CAMKMT: variants seen among roughly 807,000 people sequenced by gnomAD.
The protein encoded by CAMKMT is CaM KMT.
CAMKMT carries 53 observed loss-of-function variants against 48.0 expected under a neutral mutation model. That is an observed-to-expected ratio of 1.10 (90% confidence interval 0.89 to 1.39). The LOEUF is 1.39. Among genes scored for constraint, CAMKMT ranks in the 40% most tolerant of loss-of-function variants. The pLI is 0.00. For missense variants in CAMKMT, 428 were observed against 402.7 expected, an observed-to-expected ratio of 1.06 and a Z score of -0.54; for synonymous variants, 165 against 152.3, an observed-to-expected ratio of 1.08 and a Z score of -0.61.
At position 44,454,342 on chromosome 2, in the gene CAMKMT, C is replaced by T. The variant is rs564877593; in HGVS notation, c.376+64037C>T. Among the ~76,000 whole-genome samples the T allele has an allele frequency of 2.2e-4, 33 of 152,170 alleles. No homozygotes were observed. The East Asian group carries it at 2.7e-3, about 12-fold the overall frequency. ...GTGGCTTGAAAAATACATTACTCAACGAAATCTGGGTGAACAAAGTAAGTA... is the reference window on the plus strand; with the variant it reads ...GTGGCTTGAAAAATACATTACTCAATGAAATCTGGGTGAACAAAGTAAGTA... On this transcript the variant is annotated intron_variant, in intron 3 of 10. Coordinates refer to ENST00000378494, the MANE Select transcript of CAMKMT (RefSeq NM_024766.5).
intron 3 of CAMKMT, among the ~76,000 whole-genome samples, chr2:44,694,270 C>T (rs1676817323): frequency 6.6e-6 from 1 of 152,180 alleles, no homozygotes; most frequent in African/African-American, 2.4e-5. Context: ...AACTATGAAA[C>T]TTGACATTTA....
intron 3 of CAMKMT, among the ~76,000 whole-genome samples, chr2:44,399,737 A>G (rs1399909354): frequency 1.3e-5 from 2 of 152,062 alleles, no homozygotes; most frequent in African/African-American, 4.8e-5. Context: ...ATTGAGGAAG[A>G]CGGCTGTCAA....
intron 3 of CAMKMT, among the ~76,000 whole-genome samples, chr2:44,449,714 C>T (rs1667190875): frequency 6.6e-6 from 1 of 152,076 alleles, no homozygotes; most frequent in Admixed American, 6.6e-5. Flanking sequence ...TTAAAAACAG[C>T]AAGGAAATTT....
chr2:44,405,983 A>G (rs1067320), intron 3 of CAMKMT, among the ~76,000 whole-genome samples: 113,642 of 152,110 alleles, frequency 0.75, 43,469 homozygotes, highest in African/African-American at 0.87. Context: ...GAACCAATCA[A>G]TTTCATAGTT....
At chr2:44,436,117 C>T (rs564394521) in intron 3 of CAMKMT, among the ~76,000 whole-genome samples, 7 of 151,998 alleles carry the variant, frequency 4.6e-5, no homozygotes, top group Non-Finnish European at 8.8e-5. Context: ...CCTCTGTCAC[C>T]CAGGCTGGAG....
At chr2:44,632,749 G>T (rs1427994683) in intron 3 of CAMKMT, among the ~76,000 whole-genome samples, 7 of 152,134 alleles carry the variant, frequency 4.6e-5, no homozygotes, top group African/African-American at 9.7e-5. Context: ...CATCTAATCA[G>T]CTCCCAGTGT....
intron 3 of CAMKMT, among the ~76,000 whole-genome samples, chr2:44,511,084 G>C (rs1558666427): frequency 6.6e-6 from 1 of 152,016 alleles, no homozygotes; most frequent in Non-Finnish European, 1.5e-5. Flanking sequence ...CAAGTGATCT[G>C]CCCGCCTCAG....
chr2:44,427,437 A>G lies in CAMKMT; in HGVS notation c.376+37132A>G, dbSNP rs940060077. Among the ~76,000 whole-genome samples, 4 of 152,244 alleles carry G rather than the reference A, an allele frequency of 2.6e-5. No homozygotes were observed. The South Asian group carries it at 8.3e-4, about 31-fold the overall frequency. On this transcript the variant is annotated intron_variant, in intron 3 of 10. Coordinates refer to ENST00000378494, the MANE Select transcript of CAMKMT (RefSeq NM_024766.5). The stretch of plus-strand genomic sequence containing the variant: ...AAAAGACTAGTATCCAGAATCTATA[A>G]GGAATGTAAACAAATCAACAAGAAA...
intron 3 of CAMKMT, among the ~76,000 whole-genome samples, chr2:44,683,846 A>G (rs1322564776): frequency 6.7e-6 from 1 of 149,994 alleles, no homozygotes; most frequent in Non-Finnish European, 1.5e-5. Flanking sequence ...AAAAAAAAGA[A>G]AAAGAAAAAA....
At chr2:44,708,516 A>C (rs918710923) in intron 6 of CAMKMT, among the ~76,000 whole-genome samples, 2 of 151,870 alleles carry the variant, frequency 1.3e-5, no homozygotes, top group Non-Finnish European at 2.9e-5. Context: ...TGACAGACTT[A>C]AAAAAAATTC....
intron 2 of CAMKMT, among the ~76,000 whole-genome samples, chr2:44,385,748 T>G (rs1003271621): frequency 2.0e-5 from 3 of 152,190 alleles, no homozygotes; most frequent in African/African-American, 7.2e-5. Context: ...ATTTTTGTTT[T>G]TAATTCTGTT....
chr2:44,466,670 A>C (rs1321772850), intron 3 of CAMKMT, among the ~76,000 whole-genome samples: 1 of 152,196 alleles, frequency 6.6e-6, no homozygotes, highest in African/African-American at 2.4e-5. Context: ...AGATTTGAAC[A>C]GAAATAAATA....
At chr2:44,764,840 C>T (rs1053763942) in intron 9 of CAMKMT, among the ~76,000 whole-genome samples, 13 of 152,118 alleles carry the variant, frequency 8.5e-5, no homozygotes, top group African/African-American at 3.1e-4. Flanking sequence ...AATAAGGAGA[C>T]ATGTAGTGTA....
In CAMKMT at chr2:44,535,279, G is replaced by A. The variant is rs190506660; in HGVS notation, c.376+144974G>A. ...AAGTCTCCCAACAAAGAAAAGCCCA[G>A]GATTAATGGCTTCACTGCCTAATTC... is the stretch of plus-strand genomic sequence containing the variant. On this transcript the variant is annotated intron_variant, in intron 3 of 10. Transcript: ENST00000378494. Among the ~76,000 whole-genome samples, 388 of 152,184 alleles carry A rather than the reference G, an allele frequency of 2.5e-3. 4 individuals carry two copies. The highest frequency in any genetic ancestry group is 9.0e-3 in the African/African-American group (372 of 41,526).
chr2:44,592,230 T>C (rs1670335528), intron 3 of CAMKMT, among the ~76,000 whole-genome samples: 1 of 152,028 alleles, frequency 6.6e-6, no homozygotes, highest in Admixed American at 6.6e-5. Flanking sequence ...AATAAATAAA[T>C]AAATAAACTA....
rs1671287299 is a variant in CAMKMT at position 44,606,435 on chromosome 2, G to A, written c.377-97848G>A. The stretch of plus-strand genomic sequence containing the variant: ...ACCTTATGATTCCCACTCAATGTTG[G>A]AAGAGGCTGGAGTGATGGCATTCAA... On this transcript the variant is annotated intron_variant, in intron 3 of 10. Transcript: ENST00000378494. 4.6e-5 allele frequency among the ~76,000 whole-genome samples: 7 copies of A among 152,154 alleles called. No individual in the cohort carries two copies. In the South Asian group the frequency reaches 1.5e-3, roughly 32 times the overall value.
At chr2:44,673,015 A>G (rs905853362) in intron 3 of CAMKMT, among the ~76,000 whole-genome samples, 1 of 152,186 alleles carries the variant, frequency 6.6e-6, no homozygotes, top group Non-Finnish European at 1.5e-5. Flanking sequence ...ATAGGGAGTA[A>G]TGATCTTAAT....
intron 3 of CAMKMT, among the ~76,000 whole-genome samples, chr2:44,415,770 G>C (rs1683509494): frequency 1.3e-5 from 2 of 152,208 alleles, no homozygotes; most frequent in South Asian, 4.1e-4. Context: ...TGGGTGGGAA[G>C]TGTGCTAGAA....
At chr2:44,493,725 G>A (rs1669625984) in intron 3 of CAMKMT, among the ~76,000 whole-genome samples, 1 of 152,052 alleles carries the variant, frequency 6.6e-6, no homozygotes, top group African/African-American at 2.4e-5. Flanking sequence ...AAAAATATTT[G>A]TACTTGATTT....
Sources: gnomAD v4.1 joint callset for allele counts (sites outside exome capture counted in the v4.1 genomes callset) on GRCh38, gnomAD v4.1.1 for gene constraint, MANE v1.5 for transcripts, NCBI Gene and HGNC (gene_info 2026-07-23, HGNC 2026-07-21) for gene names.